GGTA1: variants seen among roughly 807,000 people sequenced by gnomAD.
The protein encoded by GGTA1 is glycoprotein alpha-galactosyltransferase 1 (inactive).
GGTA1 carries 5 observed loss-of-function variants against 2.6 expected under a neutral mutation model. The ratio of observed to expected loss-of-function variants is 1.92; its 90% confidence interval spans 1.00 to 4.04. The LOEUF (loss-of-function observed/expected upper bound fraction) is 4.04, where lower values mean the gene tolerates loss of function less well. GGTA1 is among the 30% of genes most tolerant of loss of function. The pLI is 0.00. For synonymous variants in GGTA1, 17 were observed against 5.0 expected, an observed-to-expected ratio of 3.38 and a Z score of -3.19; for missense variants, 50 against 16.7, an observed-to-expected ratio of 2.99 and a Z score of -3.47.
At chr9:121,470,041 T>C (rs1390671447) in intron 1 of GGTA1, among the ~76,000 whole-genome samples, 1 of 152,204 alleles carries the variant, frequency 6.6e-6, no homozygotes, top group Non-Finnish European at 1.5e-5. Context: ...CTTTCCCATG[T>C]GGTCCCATGT....
intron 1 of GGTA1, among the ~76,000 whole-genome samples, chr9:121,480,793 T>C (rs1274452827): frequency 6.6e-6 from 1 of 152,162 alleles, no homozygotes; most frequent in East Asian, 1.9e-4. Context: ...GCCTATCCTA[T>C]TGTTCTGCTC....
chr9:121,498,894 GT>G (rs142008912), intron 1 of GGTA1, among the ~76,000 whole-genome samples: 32,523 of 142,732 alleles, frequency 0.23, 4,012 homozygotes, highest in Non-Finnish European at 0.3. Flanking sequence ...TCTTTTTACT[GT>G]TTTTTTTTTT....
chr9:121,488,796 C>T (rs1828814024), intron 1 of GGTA1, among the ~76,000 whole-genome samples: 1 of 152,132 alleles, frequency 6.6e-6, no homozygotes, highest in African/African-American at 2.4e-5. Context: ...GTAATCTCAG[C>T]TACTGGGGAG....
At chr9:121,481,972 G>A (rs1828663228) in intron 1 of GGTA1, among the ~76,000 whole-genome samples, 1 of 151,490 alleles carries the variant, frequency 6.6e-6, no homozygotes, top group South Asian at 2.1e-4. Flanking sequence ...CTCCAGCCTG[G>A]GCAACAAAAG....
intron 5 of GGTA1, among the ~76,000 whole-genome samples, chr9:121,456,169 C>T (rs1414273472): frequency 1.3e-5 from 2 of 152,098 alleles, no homozygotes; most frequent in Non-Finnish European, 2.9e-5. Flanking sequence ...CAGAGAAGTC[C>T]AAGATCACAA....
At chr9:121,454,767 T>G (rs1456271390), downstream of GGTA1, among the ~76,000 whole-genome samples, 1 of 152,110 alleles carries the variant, frequency 6.6e-6, no homozygotes, top group Non-Finnish European at 1.5e-5. Context: ...AATCCCAGCA[T>G]TTTAGGAGGC....
At chr9:121,465,376 C>G (rs914760567) in intron 2 of GGTA1, among the ~76,000 whole-genome samples, 1 of 152,252 alleles carries the variant, frequency 6.6e-6, no homozygotes, top group Non-Finnish European at 1.5e-5. Flanking sequence ...TAGAGCTCTT[C>G]TATTTACCAA....
intron 1 of GGTA1, among the ~76,000 whole-genome samples, chr9:121,487,808 T>C (rs1473303892): frequency 6.6e-6 from 1 of 151,846 alleles, no homozygotes; most frequent in Non-Finnish European, 1.5e-5. Context: ...CTCCACATCC[T>C]GGGTTAAAGC....
chr9:121,499,481 C>G (rs1359844084), intron 1 of GGTA1, among the ~76,000 whole-genome samples, 169 bp downstream of exon 1: 1 of 152,136 alleles, frequency 6.6e-6, no homozygotes, highest in Non-Finnish European at 1.5e-5. Context: ...GATTTGGCAC[C>G]GAGGTAGCGA....
intron 3 of GGTA1, 196 bp downstream of exon 3, chr9:121,463,097 T>C: frequency 3.1e-6 from 1 of 321,330 alleles, no homozygotes; most frequent in Non-Finnish European, 6.0e-6. Flanking sequence ...GAGGGCAAGA[T>C]ACAAGCCATG....
chr9:121,446,301 C>T (rs978138363), exon 8 of GGTA1: 1 of 152,256 alleles, frequency 6.6e-6, no homozygotes, highest in Non-Finnish European at 1.5e-5. Context: ...ATTCAGGTTC[C>T]TTGGGACTCT....
intron 7 of GGTA1, among the ~76,000 whole-genome samples, chr9:121,449,839 C>CAAAAAAAAAAAA (rs35123086): frequency 1.1e-5 from 1 of 94,358 alleles, no homozygotes; most frequent in Non-Finnish European, 1.9e-5. Context: ...GACTCCATCT[C>CAAAAAAAAAAAA]AAAAAAAAAA....
chr9:121,458,368 C>T (rs2064930773), intron 5 of GGTA1, among the ~76,000 whole-genome samples: 1 of 151,732 alleles, frequency 6.6e-6, no homozygotes, highest in Non-Finnish European at 1.5e-5. Flanking sequence ...TGGCTCATGC[C>T]TGTAATCCTA....
At chr9:121,451,344 C>A (rs1157874745), downstream of GGTA1, among the ~76,000 whole-genome samples, 1 of 152,146 alleles carries the variant, frequency 6.6e-6, no homozygotes, top group East Asian at 1.9e-4. Flanking sequence ...TGCCACCACG[C>A]CCAGCTAATT....
At chr9:121,470,735 T>C (rs1411907568) in intron 1 of GGTA1, among the ~76,000 whole-genome samples, 1 of 152,246 alleles carries the variant, frequency 6.6e-6, no homozygotes, top group Non-Finnish European at 1.5e-5. Context: ...GTTTAAATAA[T>C]AGCCCTTCCC....
chr9:121,448,307 C>G (rs1164507873), intron 7 of GGTA1, among the ~76,000 whole-genome samples: 1 of 152,128 alleles, frequency 6.6e-6, no homozygotes, highest in East Asian at 1.9e-4. Context: ...GTGATGTGAC[C>G]CTTGGATCCA....
chr9:121,452,994 A>C (rs1255168585), downstream of GGTA1, among the ~76,000 whole-genome samples: 1 of 152,194 alleles, frequency 6.6e-6, no homozygotes, highest in East Asian at 1.9e-4. Flanking sequence ...TGTGGATGTC[A>C]TCTGAGCCTA....
intron 2 of GGTA1, among the ~76,000 whole-genome samples, chr9:121,464,999 AACAAAC>A (rs2064993401): frequency 6.7e-6 from 1 of 148,566 alleles, no homozygotes; most frequent in African/African-American, 2.5e-5. Flanking sequence ...AAAAAAACAA[AACAAAC>A]AAAAAAAAAA....
chr9:121,457,940 C>T (rs1407639854), intron 5 of GGTA1, among the ~76,000 whole-genome samples: 14 of 138,458 alleles, frequency 1.0e-4, no homozygotes, highest in Admixed American at 4.4e-4. Flanking sequence ...GACAGAGTTT[C>T]GCTTTGTTGC....
Sources: allele counts gnomAD v4.1 joint callset (sites outside exome capture counted in the v4.1 genomes callset), GRCh38; gene constraint gnomAD v4.1.1; transcripts MANE v1.5; gene names NCBI Gene and HGNC (gene_info 2026-07-23, HGNC 2026-07-21).